Variants in FNDC3A observed in about 807,000 individuals in gnomAD.
FNDC3A encodes fibronectin type-III domain-containing protein 3A.
Under a neutral mutation model 148.9 loss-of-function variants are expected in FNDC3A, and 32 were observed. The observed-to-expected ratio is 0.21, with a 90% CI of 0.16 to 0.29. The LOEUF is 0.29. Among genes scored for constraint, FNDC3A ranks in the 10% least tolerant of loss-of-function variants. The pLI is 1.00. For missense variants in FNDC3A, 1,191 were observed against 1,452.8 expected (o/e 0.82, Z 2.93); for synonymous variants, 472 against 473.6 (o/e 1.00, Z 0.04).
At chr13:49,034,896 A>T (rs1041471379) in intron 2 of FNDC3A, among the ~76,000 whole-genome samples, 1 of 152,036 alleles carries the variant, frequency 6.6e-6, no homozygotes, top group Admixed American at 6.5e-5. Flanking sequence ...TTAACAATAA[A>T]GTAAAACACA....
At chr13:49,028,927 G>T (rs1037073864) in intron 2 of FNDC3A, among the ~76,000 whole-genome samples, 5 of 152,186 alleles carry the variant, frequency 3.3e-5, no homozygotes, top group Non-Finnish European at 7.3e-5. Flanking sequence ...ATGGATCATT[G>T]TCCATTATAG....
At chr13:49,083,264 A>G (rs1033076338) in intron 3 of FNDC3A, among the ~76,000 whole-genome samples, 5 of 152,184 alleles carry the variant, frequency 3.3e-5, no homozygotes, top group Admixed American at 6.5e-5. Flanking sequence ...CCTCAAACAC[A>G]CAAAGGGACT....
At chr13:49,073,773 A>T (rs932164032) in intron 2 of FNDC3A, among the ~76,000 whole-genome samples, 20 of 138,506 alleles carry the variant, frequency 1.4e-4, no homozygotes, top group African/African-American at 5.1e-4. Flanking sequence ...TATGTATATA[A>T]TATATATGTG....
intron 3 of FNDC3A, among the ~76,000 whole-genome samples, chr13:49,106,230 GTCTGTATTTTAAAT>G (rs1471914962): frequency 6.6e-6 from 1 of 152,144 alleles, no homozygotes; most frequent in Non-Finnish European, 1.5e-5. Context: ...CTAAACTGAT[GTCTGTATTTTAAAT>G]TGCAGTATTC....
Position 49,209,702 on chromosome 13 carries a change from A to G in FNDC3A, c.*2307A>G, listed in dbSNP as rs1176567645. On this transcript the variant is annotated 3_prime_UTR_variant, in exon 26 of 26. Transcript: ENST00000492622. ...AGCTTAAAACATTTTTCCCAACAGT[A>G]TATAAATCTTCAACATGAGAGGATG... The G allele has an allele frequency of 6.6e-6, 1 of 152,404 alleles. No homozygotes were observed. Among genetic ancestry groups the G allele is most frequent in the African/African-American group, 2.4e-5 (1 of 41,462 alleles). The allele number at this position is 152,404 out of a possible 1,614,324, so 9.4% of individuals were successfully genotyped here.
intron 2 of FNDC3A, among the ~76,000 whole-genome samples, chr13:49,060,345 A>G (rs1566221488): frequency 6.6e-6 from 1 of 152,184 alleles, no homozygotes; most frequent in Admixed American, 6.5e-5. Context: ...TTATTTAGCC[A>G]TAAAAAGGAA....
chr13:49,151,520 T>A lies in FNDC3A; in HGVS notation c.977+5585T>A, dbSNP rs560816333. On this transcript the variant is annotated intron_variant, in intron 8 of 25. Transcript: ENST00000492622. ...CAGCATATAATTGGGTCACATTTTT[T>A]AATTCATTCAGTGAGTTTGTGTCTT... Among the ~76,000 whole-genome samples, 141 of 152,316 alleles carry A rather than the reference T, an allele frequency of 9.3e-4. 1 individual carries two copies. Among genetic ancestry groups the A allele is most frequent in the African/African-American group, 3.0e-3 (126 of 41,576 alleles).
intron 2 of FNDC3A, among the ~76,000 whole-genome samples, chr13:49,014,559 T>C (rs1189982937): frequency 6.7e-6 from 1 of 149,926 alleles, no homozygotes; most frequent in Non-Finnish European, 1.5e-5. Context: ...GCCTGTTCAC[T>C]CTGATGGTAG....
intron 8 of FNDC3A, among the ~76,000 whole-genome samples, chr13:49,161,051 G>GT (rs1351586953): frequency 1.3e-5 from 2 of 152,110 alleles, no homozygotes; most frequent in Admixed American, 1.3e-4. Flanking sequence ...TATGTGGTCA[G>GT]TTTTGGAATA....
At chr13:49,100,637 T>TA (rs1879802053) in intron 3 of FNDC3A, among the ~76,000 whole-genome samples, 1 of 152,188 alleles carries the variant, frequency 6.6e-6, no homozygotes, top group African/African-American at 2.4e-5. Flanking sequence ...GATGTGACAA[T>TA]ATAGGATAGA....
chr13:49,073,213 AAAAG>A (rs1458580753), intron 2 of FNDC3A, among the ~76,000 whole-genome samples: 4 of 152,228 alleles, frequency 2.6e-5, no homozygotes, highest in South Asian at 2.1e-4. Context: ...GCAGAAAACA[AAAAG>A]AAAAATATTT....
chr13:49,129,159 A>G (rs1264599103), intron 4 of FNDC3A, among the ~76,000 whole-genome samples: 1 of 152,232 alleles, frequency 6.6e-6, no homozygotes, highest in Admixed American at 6.5e-5. Flanking sequence ...AGTGTTTTAA[A>G]TGAGTGGAGA....
chr13:49,033,375 A>T (rs895801369), intron 2 of FNDC3A, among the ~76,000 whole-genome samples: 2 of 152,094 alleles, frequency 1.3e-5, no homozygotes, highest in African/African-American at 4.8e-5. Context: ...GTAGGTATTG[A>T]TGAGTGTACT....
chr13:48,979,215 G>A (rs767429723), intron 1 of FNDC3A, among the ~76,000 whole-genome samples: 13 of 152,074 alleles, frequency 8.5e-5, no homozygotes, highest in Non-Finnish European at 1.6e-4. Flanking sequence ...ATTAAAGTGG[G>A]GATACAAACA....
intron 1 of FNDC3A, among the ~76,000 whole-genome samples, chr13:49,000,966 G>T (rs998010475): frequency 6.7e-6 from 1 of 149,290 alleles, no homozygotes; most frequent in Non-Finnish European, 1.5e-5. Flanking sequence ...TTGTGTGTTT[G>T]TGTGTGTGTG....
rs367707181 is a variant in FNDC3A at position 49,168,719 on chromosome 13, C to T, written c.1144C>T (p.Arg382Trp). The stretch of plus-strand genomic sequence containing the variant: ...ACCTAATCCACCAAGGATAGCCAAT[C>T]GGACCAAAAATTCACTCACTTTGCA... ...DIPNPPRIANRTKNSLTLQWK... is the reference protein window; with the variant it reads ...DIPNPPRIANWTKNSLTLQWK... The change falls in exon 10 of 26, where the codon CGG becomes TGG. Residue 382 changes from arginine (R) to tryptophan (W), a missense_variant. Arg to Trp is a moderately radical substitution (Grantham distance 101). Transcript: ENST00000492622. 3 of 1,613,450 alleles carry T rather than the reference C, an allele frequency of 1.9e-6. No homozygotes were observed. Among genetic ancestry groups the T allele is most frequent in the South Asian group, 1.1e-5 (1 of 91,026 alleles).
rs1236312908 is a variant in FNDC3A at position 49,084,298 on chromosome 13, CT to C, written c.175+8938del. 3.3e-5 allele frequency among the ~76,000 whole-genome samples: 5 copies of C among 152,062 alleles called. 1 individual carries two copies. The East Asian group carries it at 9.6e-4, about 29-fold the overall frequency. On this transcript the variant is annotated intron_variant, in intron 3 of 25. Transcript: ENST00000492622. ...TTTATCATCTGTGCTAAAATAATGC[CT>C]TTTGCTTAGTGGGCATTCTGTCAAT... is the stretch of plus-strand genomic sequence containing the variant.
At chr13:49,141,428 T>G (rs1006966721) in intron 7 of FNDC3A, among the ~76,000 whole-genome samples, 1 of 152,198 alleles carries the variant, frequency 6.6e-6, no homozygotes, top group African/African-American at 2.4e-5. Context: ...CCTTTACCTT[T>G]TTGTGGTTAC....
At chr13:48,990,069 G>A (rs1380799978) in intron 1 of FNDC3A, among the ~76,000 whole-genome samples, 1 of 151,870 alleles carries the variant, frequency 6.6e-6, no homozygotes, top group Admixed American at 6.6e-5. Flanking sequence ...AATCTTAAAA[G>A]CAGCCAAAGA....
Sources: allele counts gnomAD v4.1 joint callset (sites outside exome capture counted in the v4.1 genomes callset), GRCh38; gene constraint gnomAD v4.1.1; transcripts MANE v1.5; gene names NCBI Gene and HGNC (gene_info 2026-07-23, HGNC 2026-07-21).